SNX29: variants seen among roughly 807,000 people sequenced by gnomAD.
SNX29 encodes the protein sorting nexin-29.
In SNX29, 78 loss-of-function variants were observed where a neutral mutation model predicts 102.1. The observed-to-expected ratio is 0.76, with a 90% CI of 0.64 to 0.92. The LOEUF (loss-of-function observed/expected upper bound fraction) is 0.92. Ranked by LOEUF, SNX29 falls within the 40% of genes least tolerant of loss-of-function variation. The pLI is 0.00. For missense variants in SNX29, 1,280 were observed against 1,061.7 expected, an observed-to-expected ratio of 1.21 and a Z score of -2.86; for synonymous variants, 580 against 414.5, an observed-to-expected ratio of 1.40 and a Z score of -4.85.
chr16:12,225,188 G>C (rs1370025027), intron 14 of SNX29, among the ~76,000 whole-genome samples: 1 of 152,106 alleles, frequency 6.6e-6, no homozygotes, highest in Non-Finnish European at 1.5e-5. Flanking sequence ...CTTTTGATCA[G>C]AGGTAAAGAC....
intron 4 of SNX29, among the ~76,000 whole-genome samples, chr16:12,033,413 T>C (rs1272484780): frequency 1.3e-5 from 2 of 152,014 alleles, no homozygotes; most frequent in Admixed American, 6.6e-5. Flanking sequence ...TCCTTTTTTC[T>C]GTTTTCATAA....
chr16:12,131,550 A>G (rs549879995), intron 13 of SNX29, among the ~76,000 whole-genome samples: 7 of 152,320 alleles, frequency 4.6e-5, no homozygotes, highest in African/African-American at 1.4e-4. Flanking sequence ...TGAACCCGCC[A>G]TATTAAATTG....
At chr16:12,476,424 A>ATATATATATACATATG (rs1597522627) in intron 18 of SNX29, among the ~76,000 whole-genome samples, 1 of 89,678 alleles carries the variant, frequency 1.1e-5, no homozygotes. Context: ...ATATATATAT[A>ATATATATATACATATG]TATATATATA....
chr16:12,021,756 G>A (rs2057028325), intron 3 of SNX29, among the ~76,000 whole-genome samples: 1 of 152,052 alleles, frequency 6.6e-6, no homozygotes. Flanking sequence ...GCCGGACGTG[G>A]TGGCCCGTGG....
At chr16:12,527,476 A>G in intron 20 of SNX29, 1 of 430,372 alleles carries the variant, frequency 2.3e-6, no homozygotes, top group Admixed American at 3.4e-5. Context: ...AGGATCCAAA[A>G]AGTCCATTTG....
rs536412858 is a variant in SNX29, at chr16:12,571,690, G to C, written c.*3061G>C. 117 of 1,052,438 alleles carry C rather than the reference G, an allele frequency of 1.1e-4. No individual in the cohort carries two copies. In the African/African-American group the frequency reaches 1.7e-3, roughly 15 times the overall value. 65.2% of individuals were successfully genotyped at this position (1,052,438 alleles called of 1,614,324 possible). A position where few individuals can be genotyped will look rare whatever the true frequency, so the allele number is the denominator to read the frequency against. On this transcript the variant is annotated 3_prime_UTR_variant, in exon 21 of 21. Coordinates refer to ENST00000566228, the MANE Select transcript of SNX29 (RefSeq NM_032167.5). ...GCTGGGCAGAGGTGTCTCTCCTTGA[G>C]AGACAACAAAAGCTTCTAAGGGAGG... is the stretch of plus-strand genomic sequence containing the variant.
chr16:12,032,268 C>T (rs564608875), intron 4 of SNX29, among the ~76,000 whole-genome samples: 25 of 148,768 alleles, frequency 1.7e-4, no homozygotes, highest in African/African-American at 2.0e-4. Context: ...CAGTAAGTAG[C>T]GCTATCTCAG....
In SNX29 at chr16:12,483,114, G is replaced by GTTTTTTTTTT. The variant is rs574090459; in HGVS notation, c.2178+5275_2178+5284dup. On this transcript the variant is annotated intron_variant, in intron 19 of 20. Transcript: ENST00000566228. ...AATAGATACATATTGAAGTTATTAAGTTTTTTTTTTTTTTTTTTTTTTTTT... is the reference window on the plus strand; with the variant it reads ...AATAGATACATATTGAAGTTATTAAGTTTTTTTTTTTTTTTTTTTTTTTTTTTTTTTTTTT... 3.7e-3 allele frequency among the ~76,000 whole-genome samples: 246 copies of GTTTTTTTTTT among 66,196 alleles called. 35 individuals are homozygous for GTTTTTTTTTT. Among genetic ancestry groups the GTTTTTTTTTT allele is most frequent in the African/African-American group, 7.5e-3 (124 of 16,474 alleles). 43.4% of individuals were successfully genotyped at this position (66,196 alleles called of 152,430 possible).
At chr16:12,549,202 G>C (rs545315923) in intron 20 of SNX29, among the ~76,000 whole-genome samples, 2 of 152,136 alleles carry the variant, frequency 1.3e-5, no homozygotes, top group African/African-American at 2.4e-5. Context: ...CACCCCTCAC[G>C]ATGCTTGTGT....
intron 17 of SNX29, among the ~76,000 whole-genome samples, chr16:12,401,523 C>T (rs776213873): frequency 6.6e-6 from 1 of 151,738 alleles, no homozygotes; most frequent in Non-Finnish European, 1.5e-5. Flanking sequence ...GCCACCATGC[C>T]CAGCTAATTT....
chr16:12,570,258 G>T lies in SNX29; in HGVS notation c.*1629G>T. 2.8e-6 allele frequency: 3 copies of T among 1,065,164 alleles called. No individual in the cohort carries two copies. The highest frequency in any genetic ancestry group is 2.3e-6 in the Non-Finnish European group (2 of 879,184). 66.0% of individuals were successfully genotyped at this position (1,065,164 alleles called of 1,614,324 possible). The stretch of plus-strand genomic sequence containing the variant: ...GGTGAGACCAAATGAGCTGGAGCAT[G>T]TATGGAGGTGCGGACCCTGCAGTCA... On this transcript the variant is annotated 3_prime_UTR_variant, in exon 21 of 21. Coordinates refer to ENST00000566228, the MANE Select transcript of SNX29 (RefSeq NM_032167.5).
At chr16:12,069,170 A>G (rs1389204920) in intron 10 of SNX29, 38 bp downstream of exon 10, 1 of 1,553,698 alleles carries the variant, frequency 6.4e-7, no homozygotes, top group South Asian at 1.1e-5. Flanking sequence ...TGGCATTAAA[A>G]CATCCTATTC....
At chr16:12,543,734 A>C (rs2077452409) in intron 20 of SNX29, among the ~76,000 whole-genome samples, 1 of 152,218 alleles carries the variant, frequency 6.6e-6, no homozygotes, top group African/African-American at 2.4e-5. Context: ...TTGGCATTGC[A>C]GTGGAGTTGA....
intron 4 of SNX29, among the ~76,000 whole-genome samples, chr16:12,042,694 A>G (rs2049932153): frequency 6.6e-6 from 1 of 152,162 alleles, no homozygotes; most frequent in Non-Finnish European, 1.5e-5. Context: ...TCCATTGTGT[A>G]AATGTACCAC....
At chr16:12,558,979 C>T (rs1219000719) in intron 20 of SNX29, among the ~76,000 whole-genome samples, 1 of 152,178 alleles carries the variant, frequency 6.6e-6, no homozygotes, top group East Asian at 1.9e-4. Context: ...GATTCAGAGA[C>T]TTTAAAGAAA....
chr16:12,270,022 A>T (rs1215211030), intron 14 of SNX29, among the ~76,000 whole-genome samples: 1 of 151,964 alleles, frequency 6.6e-6, no homozygotes, highest in Non-Finnish European at 1.5e-5. Context: ...CACCACGCCC[A>T]GCTAATTTTT....
At chr16:12,244,754 C>A (rs2078212236) in intron 14 of SNX29, among the ~76,000 whole-genome samples, 1 of 152,192 alleles carries the variant, frequency 6.6e-6, no homozygotes, top group Non-Finnish European at 1.5e-5. Context: ...AACACTTCAG[C>A]ATCTTTAAGC....
rs187508410 is a variant in SNX29, at chr16:12,180,895, G to C, written c.1596-18706G>C. On this transcript the variant is annotated intron_variant, in intron 13 of 20. Coordinates refer to ENST00000566228, the MANE Select transcript of SNX29 (RefSeq NM_032167.5). ...TTCGTGTGGTGTTAGGCATACTGCA[G>C]CTTGTTTTCTGAGCTTTCCTGGCTC... Among the ~76,000 whole-genome samples, 6 of 152,330 alleles carry C rather than the reference G, an allele frequency of 3.9e-5. No individual in the cohort carries two copies. The East Asian group carries it at 1.2e-3, about 29-fold the overall frequency.
At chr16:12,138,286 C>A (rs368740748) in intron 13 of SNX29, among the ~76,000 whole-genome samples, 5 of 149,996 alleles carry the variant, frequency 3.3e-5, no homozygotes, top group East Asian at 3.9e-4. Flanking sequence ...CGGCTCACTG[C>A]AACCTCCGCT....
Sources: gnomAD v4.1 joint callset for allele counts (sites outside exome capture counted in the v4.1 genomes callset) on GRCh38, gnomAD v4.1.1 for gene constraint, MANE v1.5 for transcripts, NCBI Gene and HGNC (gene_info 2026-07-23, HGNC 2026-07-21) for gene names.